The following HTR4 variants were observed in gnomAD, a reference collection of about 807,000 sequenced individuals.
HTR4 encodes the protein 5-hydroxytryptamine (serotonin) receptor 4, G protein-coupled.
HTR4 carries 16 observed loss-of-function variants against 36.8 expected under a neutral mutation model. The ratio of observed to expected loss-of-function variants is 0.43; its 90% CI spans 0.29 to 0.66. The LOEUF is 0.66. HTR4 is among the 30% of genes least tolerant of loss of function. The pLI, the probability that HTR4 is intolerant of heterozygous loss-of-function variation, is 0.13. For synonymous variants in HTR4, 189 were observed against 185.1 expected, an observed-to-expected ratio of 1.02 and a Z score of -0.17; for missense variants, 438 against 490.9, an observed-to-expected ratio of 0.89 and a Z score of 1.02.
In HTR4 at chr5:148,523,281, A is replaced by G. The variant is rs770653018; in HGVS notation, c.419T>C (p.Leu140Ser). ...GATGACCCAGCAGCCTCCCAGCATT[A>G]ATGCGATGCGCAGAGGGGTCATCTT... ...RNKMTPLRIA[L>S]MLGGCWVIPT... Residue 140 changes from leucine to serine, a missense_variant, in exon 5 of 7, where the codon TTA becomes TCA. Physicochemically the swap from Leu to Ser is moderately radical, Grantham distance 145. Coordinates refer to ENST00000377888, the MANE Select transcript of HTR4 (RefSeq NM_000870.7). The G allele has an allele frequency of 6.2e-7, 1 of 1,613,534 alleles. No homozygotes were observed. The highest frequency in any genetic ancestry group is 8.5e-7 in the Non-Finnish European group (1 of 1,179,712).
At chr5:148,549,657 T>C (rs537058824) in intron 3 of HTR4, among the ~76,000 whole-genome samples, 2 of 152,206 alleles carry the variant, frequency 1.3e-5, no homozygotes, top group Admixed American at 6.5e-5. Flanking sequence ...TTTTTAAATA[T>C]AACTATGTCC....
chr5:148,546,617 T>C (rs1166158573), intron 4 of HTR4, among the ~76,000 whole-genome samples: 1 of 152,190 alleles, frequency 6.6e-6, no homozygotes, highest in Non-Finnish European at 1.5e-5. Context: ...CAATGGACAG[T>C]TGATTCTACA....
chr5:148,461,160 T>C (rs919507131), intron 5 of HTR4, among the ~76,000 whole-genome samples: 1 of 151,910 alleles, frequency 6.6e-6, no homozygotes, highest in African/African-American at 2.4e-5. Context: ...AATAGAATAA[T>C]ATAAAATGCT....
intron 5 of HTR4, among the ~76,000 whole-genome samples, chr5:148,469,813 A>T (rs2113702567): frequency 6.6e-6 from 1 of 152,362 alleles, no homozygotes; most frequent in African/African-American, 2.4e-5. Flanking sequence ...AGATCCTCAG[A>T]TATTTTGATG....
intron 2 of HTR4, among the ~76,000 whole-genome samples, chr5:148,563,359 A>G (rs1391804995): frequency 6.6e-6 from 1 of 152,236 alleles, no homozygotes; most frequent in Non-Finnish European, 1.5e-5. Context: ...ATCTCTGCAG[A>G]GAGGACTTAT....
At chr5:148,489,557 T>C (rs565277492) in intron 6 of HTR4, among the ~76,000 whole-genome samples, 1 of 152,180 alleles carries the variant, frequency 6.6e-6, no homozygotes, top group African/African-American at 2.4e-5. Flanking sequence ...GGCAGGAAAG[T>C]TTAGAGAACT....
intron 2 of HTR4, among the ~76,000 whole-genome samples, chr5:148,573,982 G>A (rs7715569): frequency 0.24 from 35,731 of 151,926 alleles, 5,106 homozygotes; most frequent in Non-Finnish European, 0.32. Context: ...AAAATTACCA[G>A]TTCTCAGGCC....
chr5:148,615,968 A>G (rs1354976732), intron 2 of HTR4, among the ~76,000 whole-genome samples: 2 of 152,184 alleles, frequency 1.3e-5, no homozygotes, highest in Non-Finnish European at 2.9e-5. Context: ...TTTGGTTTCC[A>G]TAAGCTTTCT....
intron 4 of HTR4, among the ~76,000 whole-genome samples, chr5:148,533,165 A>C (rs1219812346): frequency 6.6e-6 from 1 of 152,258 alleles, no homozygotes; most frequent in Non-Finnish European, 1.5e-5. Flanking sequence ...TACATGAATC[A>C]GCAAAATTTG....
chr5:148,626,662 T>C (rs956414152), intron 2 of HTR4, among the ~76,000 whole-genome samples: 4 of 152,196 alleles, frequency 2.6e-5, no homozygotes, highest in African/African-American at 9.7e-5. Context: ...CTTGTAGTCC[T>C]TGCAAATGAG....
rs200667420 is a variant in HTR4, at chr5:148,523,250, C to T, written c.450G>A (p.Thr150=). 2.0e-5 allele frequency: 33 copies of T among 1,613,322 alleles called. No homozygotes were observed. Among genetic ancestry groups the T allele is most frequent in the Admixed American group, 1.5e-4 (9 of 59,882 alleles). ...GCATTATAGGGAGAAAAGAAATAAA[C>T]GTGGGGATGACCCAGCAGCCTCCCA... The part of the protein sequence containing the change: ...LMLGGCWVIP[T]FISFLPIMQG... The change falls in exon 5 of 7, where the codon ACG becomes ACA. Residue 150 remains threonine (T), a synonymous_variant. Coordinates refer to ENST00000377888, the MANE Select transcript of HTR4 (RefSeq NM_000870.7).
intron 2 of HTR4, among the ~76,000 whole-genome samples, chr5:148,557,288 G>GT (rs1328752592): frequency 1.3e-5 from 2 of 152,154 alleles, no homozygotes; most frequent in African/African-American, 2.4e-5. Flanking sequence ...TGGAATAAAG[G>GT]TTTTTTGGGG....
chr5:148,573,638 C>CAATGAACA (rs1760768537), intron 2 of HTR4, among the ~76,000 whole-genome samples: 1 of 152,012 alleles, frequency 6.6e-6, no homozygotes, highest in South Asian at 2.1e-4. Context: ...TGCAAATCTA[C>CAATGAACA]AATGAACAAC....
At chr5:148,526,994 T>G (rs1022965079) in intron 4 of HTR4, among the ~76,000 whole-genome samples, 2 of 152,182 alleles carry the variant, frequency 1.3e-5, no homozygotes, top group Non-Finnish European at 2.9e-5. Flanking sequence ...AACAATCACT[T>G]ATTGTATCTT....
intron 6 of HTR4, among the ~76,000 whole-genome samples, chr5:148,496,098 T>TC (rs1257175935): frequency 6.6e-6 from 1 of 152,114 alleles, no homozygotes; most frequent in East Asian, 1.9e-4. Flanking sequence ...AGACTCCGCC[T>TC]CAAAAAAAAT....
At chr5:148,651,317 G>T (rs777271222) in intron 1 of HTR4, among the ~76,000 whole-genome samples, 5 of 152,286 alleles carry the variant, frequency 3.3e-5, no homozygotes, top group Admixed American at 6.5e-5. Context: ...AGGTAAATGT[G>T]TGAGGATGGT....
At chr5:148,641,653 G>C (rs1432212293) in intron 1 of HTR4, among the ~76,000 whole-genome samples, 3 of 152,172 alleles carry the variant, frequency 2.0e-5, no homozygotes, top group Non-Finnish European at 2.9e-5. Context: ...TTTCTTCACG[G>C]ATATATTCAG....
At chr5:148,541,540 T>C (rs1047495489) in intron 4 of HTR4, among the ~76,000 whole-genome samples, 2 of 152,204 alleles carry the variant, frequency 1.3e-5, no homozygotes, top group African/African-American at 4.8e-5. Context: ...CAAATTTTTA[T>C]GAATGAAGCC....
chr5:148,519,053 T>G (rs554620402), intron 5 of HTR4, among the ~76,000 whole-genome samples: 1 of 152,178 alleles, frequency 6.6e-6, no homozygotes, highest in Non-Finnish European at 1.5e-5. Flanking sequence ...TGGAACATAG[T>G]GGGCATTCAA....
Sources: allele counts gnomAD v4.1 joint callset (sites outside exome capture counted in the v4.1 genomes callset), GRCh38; gene constraint gnomAD v4.1.1; transcripts MANE v1.5; gene names NCBI Gene and HGNC (gene_info 2026-07-23, HGNC 2026-07-21).